The following ALDH1B1 variants were observed in gnomAD, a reference collection of about 807,000 sequenced individuals.
ALDH1B1 encodes the protein aldehyde dehydrogenase 1 family member B1.
Under a neutral mutation model 26.2 loss-of-function variants are expected in ALDH1B1, and 19 were observed. The ratio of observed to expected loss-of-function variants is 0.72; its 90% CI spans 0.51 to 1.06. ALDH1B1 has a LOEUF of 1.06. Ranked by LOEUF, ALDH1B1 falls within the 50% of genes least tolerant of loss-of-function variation. ALDH1B1 has a pLI of 0.00. For synonymous variants in ALDH1B1, 249 were observed against 286.0 expected (o/e 0.87, Z 1.31); for missense variants, 671 against 683.1 (o/e 0.98, Z 0.20).
chr9:38,395,592 CAG>C, intron 1 of ALDH1B1, 146 bp from the exon 2 acceptor site: 4 of 1,183,390 alleles, frequency 3.4e-6, no homozygotes, highest in Non-Finnish European at 4.6e-6. Flanking sequence ...GAGAGTTCAT[CAG>C]GGCCCTCACA....
In ALDH1B1 at chr9:38,395,945, G is replaced by A. The variant is rs1367282118; in HGVS notation, c.197G>A (p.Gly66Glu). ...TVNPTTGEVI[G>E]HVAEGDRADV... is the part of the protein sequence containing the mutation. ...AACCCTACCACCGGGGAGGTCATTGGGCACGTGGCTGAAGGTGACCGGGCT... is the reference window on the plus strand; with the variant it reads ...AACCCTACCACCGGGGAGGTCATTGAGCACGTGGCTGAAGGTGACCGGGCT... The change falls in exon 2 of 2, where the codon GGG (glycine) becomes GAG (glutamate). Residue 66 changes from glycine (G) to glutamate (E), a missense_variant. Coordinates refer to ENST00000377698, the MANE Select transcript of ALDH1B1 (RefSeq NM_000692.5). 2 of 1,613,774 alleles carry A rather than the reference G, an allele frequency of 1.2e-6. No individual in the cohort carries two copies. Among genetic ancestry groups the A allele is most frequent in the Non-Finnish European group, 1.7e-6 (2 of 1,180,014 alleles).
chr9:38,393,095 T>C lies in ALDH1B1; in HGVS notation c.-10+288T>C, dbSNP rs558530570. Among the ~76,000 whole-genome samples, 93 of 152,306 alleles carry C rather than the reference T, an allele frequency of 6.1e-4. 1 individual carries two copies. Among genetic ancestry groups the C allele is most frequent in the African/African-American group, 2.0e-3 (84 of 41,574 alleles). On this transcript the variant is annotated intron_variant, in intron 1 of 1. Transcript: ENST00000377698. ...GGGCCCCTGACCATAGCCCAGAGGC[T>C]TGGACAAGCCCAAAGGTTGCGCCCT...
Position 38,397,071 on chromosome 9 carries a change from G to C in ALDH1B1, c.1323G>C (p.Arg441Ser). Reference sequence around the variant, plus strand: ...TGGTTGAGAGGGCCAACAACACCAGGTATGGCCTGGCTGCGGCTGTGTTCA... The same window carrying C: ...TGGTTGAGAGGGCCAACAACACCAGCTATGGCCTGGCTGCGGCTGTGTTCA... The part of the protein sequence containing the change: ...EEVVERANNT[R>S]YGLAAAVFTR... Residue 441 changes from arginine (R) to serine (S), a missense_variant, in exon 2 of 2, where the codon AGG becomes AGC. By Grantham distance (110) the Arg-to-Ser change is moderately radical. Coordinates refer to ENST00000377698, the MANE Select transcript of ALDH1B1 (RefSeq NM_000692.5). 1 of 1,614,162 alleles carries C rather than the reference G, an allele frequency of 6.2e-7. No homozygotes were observed. The highest frequency in any genetic ancestry group is 2.2e-5 in the East Asian group (1 of 44,874).
chr9:38,396,096 A>G lies in ALDH1B1; in HGVS notation c.348A>G (p.Arg116=). Residue 116 remains arginine (R), a synonymous_variant, in exon 2 of 2, where the codon CGA becomes CGG. Transcript: ENST00000377698. The part of the protein sequence containing the change: ...NRLADLVERD[R]VYLASLETLD... Reference sequence around the variant, plus strand: ...TGGCAGACCTAGTGGAGCGGGATCGAGTCTACTTGGCCTCACTCGAGACCT... The same window carrying G: ...TGGCAGACCTAGTGGAGCGGGATCGGGTCTACTTGGCCTCACTCGAGACCT... The G allele has an allele frequency of 6.2e-7, 1 of 1,614,160 alleles. No homozygotes were observed. The highest frequency in any genetic ancestry group is 8.5e-7 in the Non-Finnish European group (1 of 1,180,014).
rs116130231 is a variant in ALDH1B1, at chr9:38,398,628, G to T, written c.*1326G>T. On this transcript the variant is annotated 3_prime_UTR_variant, in exon 2 of 2. Transcript: ENST00000377698. ...CAACACCCGGCCATGAATTAACTCC[G>T]TTAAAAAATAAACGTATACATTCTG... 1 of 165,448 alleles carries T rather than the reference G, an allele frequency of 6.0e-6. No homozygotes were observed. Among genetic ancestry groups the T allele is most frequent in the African/African-American group, 2.4e-5 (1 of 40,974 alleles). 10.2% of individuals were successfully genotyped at this position (165,448 alleles called of 1,614,324 possible). A position where few individuals can be genotyped will look rare whatever the true frequency, so the allele number is the denominator to read the frequency against.
chr9:38,396,072 G>A lies in ALDH1B1; in HGVS notation c.324G>A (p.Leu108=), dbSNP rs1288329230. The stretch of plus-strand genomic sequence containing the variant: ...AGCGGGGCCGGCTGCTGAACCGCCT[G>A]GCAGACCTAGTGGAGCGGGATCGAG... ...ASERGRLLNR[L]ADLVERDRVY... is the part of the protein sequence containing the mutation. Residue 108 remains leucine (L), a synonymous_variant, in exon 2 of 2, where the codon CTG becomes CTA. Coordinates refer to ENST00000377698, the MANE Select transcript of ALDH1B1 (RefSeq NM_000692.5). The A allele has an allele frequency of 6.2e-7, 1 of 1,614,138 alleles. No individual in the cohort carries two copies. Among genetic ancestry groups the A allele is most frequent in the South Asian group, 1.1e-5 (1 of 91,084 alleles).
intron 1 of ALDH1B1, chr9:38,394,620 G>A (rs914399433): frequency 1.5e-4 from 143 of 985,302 alleles, no homozygotes; most frequent in Non-Finnish European, 1.7e-4. Context: ...CCTACATGGA[G>A]CCTTGCTTTC....
At position 38,395,896 on chromosome 9, in the gene ALDH1B1, A is replaced by C; in HGVS notation, c.148A>C (p.Ser50Arg). 6.2e-7 allele frequency: 1 copy of C among 1,613,952 alleles called. No individual in the cohort carries two copies. The highest frequency in any genetic ancestry group is 2.2e-5 in the East Asian group (1 of 44,880). ...CAACAATGAATGGCAAGATGCAGTC[A>C]GCAAGAAGACCTTCCCGACGGTCAA... is the stretch of plus-strand genomic sequence containing the variant. ...FINNEWQDAV[S>R]KKTFPTVNPT... Residue 50 changes from serine to arginine, a missense_variant, in exon 2 of 2, where the codon AGC becomes CGC. Coordinates refer to ENST00000377698, the MANE Select transcript of ALDH1B1 (RefSeq NM_000692.5).
Position 38,397,151 on chromosome 9 carries a change from T to A in ALDH1B1, c.1403T>A (p.Val468Glu), listed in dbSNP as rs766370442. The A allele has an allele frequency of 6.2e-7, 1 of 1,614,116 alleles. No homozygotes were observed. Among genetic ancestry groups the A allele is most frequent in the Non-Finnish European group, 8.5e-7 (1 of 1,180,034 alleles). ...YFTQALQAGT[V>E]WVNTYNIVTC... Reference sequence around the variant, plus strand: ...ACCCAGGCACTCCAGGCCGGGACCGTGTGGGTAAACACCTACAACATCGTC... The same window carrying A: ...ACCCAGGCACTCCAGGCCGGGACCGAGTGGGTAAACACCTACAACATCGTC... Residue 468 changes from valine (V) to glutamate (E), a missense_variant, in exon 2 of 2, where the codon GTG (valine) becomes GAG (glutamate). Physicochemically the swap from Val to Glu is moderately radical, Grantham distance 121. Transcript: ENST00000377698.
Position 38,396,323 on chromosome 9 carries a change from AG to A in ALDH1B1, c.578del (p.Gly193ValfsTer16), listed in dbSNP as rs796888788. On this transcript the variant is annotated frameshift_variant, in exon 2 of 2. Transcript: ENST00000377698. LOFTEE classifies it high-confidence loss of function. ...CCGTGGAACTTCCCCTTGGTCATGC[AG>A]GGTTGGAAACTTGCCCCGGCACTCG... The part of the protein sequence containing the change: ...IIPWNFPLVM[Q>X]GWKLAPALAT... 2.2e-3 allele frequency: 3,548 copies of A among 1,614,126 alleles called. 99 individuals are homozygous for A. In the Admixed American group the frequency reaches 0.052, roughly 24 times the overall value.
At position 38,395,887 on chromosome 9, in the gene ALDH1B1, GA is replaced by G. The variant is rs777636989; in HGVS notation, c.140del (p.Asp47ValfsTer34). 6 of 1,613,754 alleles carry G rather than the reference GA, an allele frequency of 3.7e-6. No individual in the cohort carries two copies. The highest frequency in any genetic ancestry group is 5.1e-6 in the Non-Finnish European group (6 of 1,180,050). On this transcript the variant is annotated frameshift_variant, in exon 2 of 2. Transcript: ENST00000377698. LOFTEE classifies it high-confidence loss of function. ...NQLFINNEWQDAVSKKTFPTV... is the reference protein window; with the variant it reads ...NQLFINNEWQXAVSKKTFPTV... ...GCTGTTCATCAACAATGAATGGCAA[GA>G]TGCAGTCAGCAAGAAGACCTTCCCG...
intron 1 of ALDH1B1, 49 bp from the exon 2 acceptor site, chr9:38,395,691 A>G (rs1821264093): frequency 6.6e-7 from 1 of 1,519,730 alleles, no homozygotes; most frequent in South Asian, 1.3e-5. Context: ...GGGTACCGCC[A>G]CCTGCCTTCT....
rs1292331134 is a variant in ALDH1B1 at position 38,396,216 on chromosome 9, G to C, written c.468G>C (p.Trp156Cys). The C allele has an allele frequency of 6.8e-6, 11 of 1,614,206 alleles. No individual in the cohort carries two copies. The highest frequency in any genetic ancestry group is 8.5e-6 in the Non-Finnish European group (10 of 1,180,032). ...YRYFAGWADKWHGKTIPMDGQ... is the reference protein window; with the variant it reads ...YRYFAGWADKCHGKTIPMDGQ... ...ACTTTGCTGGCTGGGCTGACAAGTG[G>C]CATGGCAAGACCATCCCCATGGATG... Residue 156 changes from tryptophan (W) to cysteine (C), a missense_variant, in exon 2 of 2, where the codon TGG becomes TGC. Trp to Cys is a radical substitution (Grantham distance 215). Coordinates refer to ENST00000377698, the MANE Select transcript of ALDH1B1 (RefSeq NM_000692.5).
rs1821291302 is a variant in ALDH1B1, at chr9:38,396,530, C to G, written c.782C>G (p.Thr261Ser). The part of the protein sequence containing the change: ...QHVDVDKVAF[T>S]GSTEVGHLIQ... ...GTGGATGTTGACAAAGTTGCCTTCA[C>G]CGGTTCCACCGAGGTGGGCCACCTG... The change falls in exon 2 of 2, where the codon ACC becomes AGC. Residue 261 changes from threonine (T) to serine (S), a missense_variant. Coordinates refer to ENST00000377698, the MANE Select transcript of ALDH1B1 (RefSeq NM_000692.5). 23 of 1,613,872 alleles carry G rather than the reference C, an allele frequency of 1.4e-5. No homozygotes were observed. Among genetic ancestry groups the G allele is most frequent in the Non-Finnish European group, 1.9e-5 (23 of 1,179,960 alleles).
At position 38,396,418 on chromosome 9, in the gene ALDH1B1, C is replaced by G. The variant is rs1157302786; in HGVS notation, c.670C>G (p.Leu224Val). ...CCTCTCTGCCCTGTATTTGGCCTCC[C>G]TCATCAAGGAGGCAGGCTTTCCCCC... ...TPLSALYLAS[L>V]IKEAGFPPGV... Residue 224 changes from leucine (L) to valine (V), a missense_variant, in exon 2 of 2, where the codon CTC becomes GTC. Transcript: ENST00000377698. 6.2e-7 allele frequency: 1 copy of G among 1,614,148 alleles called. No homozygotes were observed. The highest frequency in any genetic ancestry group is 8.5e-7 in the Non-Finnish European group (1 of 1,180,026).
Position 38,396,528 on chromosome 9 carries a change from C to T in ALDH1B1, c.780C>T (p.Phe260=). 1.9e-6 allele frequency: 3 copies of T among 1,613,862 alleles called. No individual in the cohort carries two copies. Among genetic ancestry groups the T allele is most frequent in the Non-Finnish European group, 2.5e-6 (3 of 1,179,958 alleles). Reference sequence around the variant, plus strand: ...ACGTGGATGTTGACAAAGTTGCCTTCACCGGTTCCACCGAGGTGGGCCACC... The same window carrying T: ...ACGTGGATGTTGACAAAGTTGCCTTTACCGGTTCCACCGAGGTGGGCCACC... ...AQHVDVDKVA[F]TGSTEVGHLI... Residue 260 remains phenylalanine (F), a synonymous_variant, in exon 2 of 2, where the codon TTC becomes TTT. Transcript: ENST00000377698.
Position 38,397,759 on chromosome 9 carries a change from C to G in ALDH1B1, c.*457C>G, listed in dbSNP as rs1821321556. ...ACTCTTCATTGGCTTAACCTAAAAA[C>G]CAGAGGTGCTTTTCCTTGTCTGTGT... On this transcript the variant is annotated 3_prime_UTR_variant, in exon 2 of 2. Transcript: ENST00000377698. 1 of 169,192 alleles carries G rather than the reference C, an allele frequency of 5.9e-6. No individual in the cohort carries two copies. The allele number at this position is 169,192 out of a possible 1,614,324, so 10.5% of individuals were successfully genotyped here.
Position 38,397,276 on chromosome 9 carries a change from A to AT in ALDH1B1, c.1529dup (p.Lys511GlnfsTer105). On this transcript the variant is annotated frameshift_variant, in exon 2 of 2. Transcript: ENST00000377698. LOFTEE classifies it high-confidence loss of function. The stretch of plus-strand genomic sequence containing the variant: ...CTACACAGAGGTAAAGACGGTCACC[A>AT]TCAAGGTTCCTCAGAAGAACTCGTA... The AT allele has an allele frequency of 6.2e-7, 1 of 1,613,028 alleles. No individual in the cohort carries two copies. The highest frequency in any genetic ancestry group is 8.5e-7 in the Non-Finnish European group (1 of 1,179,198).
At chr9:38,395,179 A>G (rs887288569) in intron 1 of ALDH1B1, among the ~76,000 whole-genome samples, 17 of 152,112 alleles carry the variant, frequency 1.1e-4, no homozygotes, top group African/African-American at 3.9e-4. Context: ...TTTGATTTCT[A>G]CTCAAGTCTT....
Sources: allele counts gnomAD v4.1 joint callset (sites outside exome capture counted in the v4.1 genomes callset), GRCh38; gene constraint gnomAD v4.1.1; transcripts MANE v1.5; gene names NCBI Gene and HGNC (gene_info 2026-07-23, HGNC 2026-07-21).